Variants in RALYL observed in about 807,000 individuals in gnomAD.
The protein encoded by RALYL is RALY RNA binding protein like, also known as RNA-binding Raly-like protein.
A neutral mutation model predicts 35.1 loss-of-function variants in RALYL; 29 were observed. The ratio of observed to expected loss-of-function variants is 0.83; its 90% confidence interval spans 0.61 to 1.13. The LOEUF (loss-of-function observed/expected upper bound fraction) is 1.13, where lower values mean the gene tolerates loss of function less well. Among genes scored for constraint, RALYL ranks in the 50% most tolerant of loss-of-function variants. RALYL has a pLI of 0.00. For synonymous variants in RALYL, 120 were observed against 127.6 expected, an observed-to-expected ratio of 0.94 and a Z score of 0.40; for missense variants, 359 against 360.4, an observed-to-expected ratio of 1.00 and a Z score of 0.03.
At chr8:84,337,007 A>C (rs117776879) in intron 1 of RALYL, among the ~76,000 whole-genome samples, 4,367 of 150,788 alleles carry the variant, frequency 0.029, 108 homozygotes, top group Non-Finnish European at 0.034. Flanking sequence ...TATTTGGAAT[A>C]ACCTGTCTGT....
chr8:84,511,169 T>C (rs1470997077), intron 1 of RALYL, among the ~76,000 whole-genome samples: 3 of 152,188 alleles, frequency 2.0e-5, no homozygotes, highest in Non-Finnish European at 2.9e-5. Flanking sequence ...ATCAATTTTC[T>C]TCTTTTACCA....
intron 2 of RALYL, among the ~76,000 whole-genome samples, chr8:84,746,251 C>T (rs1322024799): frequency 6.6e-6 from 1 of 152,050 alleles, no homozygotes; most frequent in Non-Finnish European, 1.5e-5. Context: ...GATATTAGCT[C>T]TATCACATAT....
chr8:84,431,834 T>G (rs2132699620), intron 1 of RALYL, among the ~76,000 whole-genome samples: 1 of 152,292 alleles, frequency 6.6e-6, no homozygotes, highest in African/African-American at 2.4e-5. Context: ...CTAATGTGAA[T>G]AGTGCTGCAA....
At chr8:84,767,197 C>T (rs899975579) in intron 2 of RALYL, among the ~76,000 whole-genome samples, 4 of 152,116 alleles carry the variant, frequency 2.6e-5, no homozygotes, top group African/African-American at 9.7e-5. Flanking sequence ...TGGAATAGCA[C>T]CCGTCTCCAT....
chr8:84,540,058 C>T (rs956829557), intron 2 of RALYL, among the ~76,000 whole-genome samples: 4 of 151,434 alleles, frequency 2.6e-5, no homozygotes, highest in Non-Finnish European at 4.4e-5. Flanking sequence ...TATTCCCGGT[C>T]TATTTATTGA....
intron 1 of RALYL, among the ~76,000 whole-genome samples, chr8:84,210,935 A>C (rs1469693909): frequency 6.6e-6 from 1 of 152,206 alleles, no homozygotes; most frequent in Middle Eastern, 3.4e-3. Context: ...TTGCTTATAT[A>C]ATTATAGTGA....
intron 1 of RALYL, among the ~76,000 whole-genome samples, chr8:84,329,636 A>G (rs16912699): frequency 0.036 from 5,512 of 151,992 alleles, 134 homozygotes; most frequent in East Asian, 0.13. Context: ...TGCAAGCTTG[A>G]GTTTTACTTG....
chr8:84,260,287 A>T (rs1004145402), intron 1 of RALYL, among the ~76,000 whole-genome samples: 21 of 152,168 alleles, frequency 1.4e-4, no homozygotes, highest in Non-Finnish European at 1.5e-5. Flanking sequence ...TAGTGGCTTA[A>T]CACACTGGCA....
chr8:84,638,285 C>G (rs1564287449), intron 2 of RALYL, among the ~76,000 whole-genome samples: 1 of 151,850 alleles, frequency 6.6e-6, no homozygotes, highest in East Asian at 1.9e-4. Flanking sequence ...CACAACCTAT[C>G]AAAACTTCTG....
intron 1 of RALYL, among the ~76,000 whole-genome samples, chr8:84,266,828 C>T (rs1833401613): frequency 6.6e-6 from 1 of 151,640 alleles, no homozygotes; most frequent in Admixed American, 6.6e-5. Context: ...GGCGTGGTAG[C>T]GGGCGCCTGT....
At chr8:84,734,580 A>C in intron 2 of RALYL, among the ~76,000 whole-genome samples, 1 of 152,162 alleles carries the variant, frequency 6.6e-6, no homozygotes, top group Non-Finnish European at 1.5e-5. Flanking sequence ...AAAGTCCTAG[A>C]ATGCTAAAAT....
intron 2 of RALYL, among the ~76,000 whole-genome samples, chr8:84,589,802 G>A (rs1054754740): frequency 6.6e-6 from 1 of 152,100 alleles, no homozygotes; most frequent in African/African-American, 2.4e-5. Flanking sequence ...ATATGAATGT[G>A]AAATAAACTC....
chr8:84,878,293 C>G (rs1185762172), intron 7 of RALYL, among the ~76,000 whole-genome samples: 1 of 152,058 alleles, frequency 6.6e-6, no homozygotes, highest in African/African-American at 2.4e-5. Flanking sequence ...TAGAAATGCC[C>G]ACCTTCTCCC....
intron 2 of RALYL, among the ~76,000 whole-genome samples, chr8:84,766,457 G>T (rs560240214): frequency 1.1e-3 from 166 of 151,656 alleles, no homozygotes; most frequent in Middle Eastern, 3.4e-3. Context: ...ACTTTGGGAG[G>T]CCAAGGTGGG....
At chr8:84,667,572 C>G (rs1384674633) in intron 2 of RALYL, among the ~76,000 whole-genome samples, 1 of 152,038 alleles carries the variant, frequency 6.6e-6, no homozygotes, top group Non-Finnish European at 1.5e-5. Flanking sequence ...TTAAAGTAGA[C>G]TGCTGAAGGA....
chr8:84,378,332 A>G (rs976165908), intron 1 of RALYL, among the ~76,000 whole-genome samples: 2 of 151,888 alleles, frequency 1.3e-5, no homozygotes, highest in African/African-American at 4.8e-5. Flanking sequence ...TTCAATATAT[A>G]TAGCTTTTGA....
intron 1 of RALYL, among the ~76,000 whole-genome samples, chr8:84,494,017 T>G (rs2055672888): frequency 6.6e-6 from 1 of 152,166 alleles, no homozygotes. Context: ...GGTTTTCTTC[T>G]AGGGTTTTTA....
At chr8:84,626,324 ACT>A (rs1486867755) in intron 2 of RALYL, among the ~76,000 whole-genome samples, 5 of 152,096 alleles carry the variant, frequency 3.3e-5, no homozygotes, top group African/African-American at 9.7e-5. Flanking sequence ...CCCAAGCTTT[ACT>A]CTCTGCATGA....
chr8:84,561,294 A>G (rs1168856345), intron 2 of RALYL, among the ~76,000 whole-genome samples: 1 of 152,046 alleles, frequency 6.6e-6, no homozygotes, highest in African/African-American at 2.4e-5. Flanking sequence ...ATATATAGGA[A>G]CAGAGAGTAG....
Sources: gnomAD v4.1 joint callset for allele counts (sites outside exome capture counted in the v4.1 genomes callset) on GRCh38, gnomAD v4.1.1 for gene constraint, MANE v1.5 for transcripts, NCBI Gene and HGNC (gene_info 2026-07-23, HGNC 2026-07-21) for gene names.